The following PCDHA1 variants were observed in gnomAD, a reference collection of about 807,000 sequenced individuals.
PCDHA1 encodes protocadherin alpha-1.
A neutral mutation model predicts 61.3 loss-of-function variants in PCDHA1; 42 were observed. The ratio of observed to expected loss-of-function variants is 0.69; its 90% CI spans 0.54 to 0.89. PCDHA1 has a LOEUF of 0.89. PCDHA1 is among the 40% of genes least tolerant of loss of function. The probability of loss-of-function intolerance (pLI) is 0.00; values close to 1 mark genes in which losing one functional copy is unlikely to be tolerated. For synonymous variants in PCDHA1, 610 were observed against 553.8 expected, an observed-to-expected ratio of 1.10 and a Z score of -1.43; for missense variants, 1,256 against 1,235.3, an observed-to-expected ratio of 1.02 and a Z score of -0.25.
intron 1 of PCDHA1, among the ~76,000 whole-genome samples, chr5:140,818,311 T>C (rs1766329673): frequency 6.6e-6 from 1 of 152,236 alleles, no homozygotes; most frequent in Non-Finnish European, 1.5e-5. Context: ...ATCTTTTACT[T>C]TAGGAATTTT....
At position 140,966,347 on chromosome 5, in the gene PCDHA1, G is replaced by A. The variant is rs189506336; in HGVS notation, c.2395-12602G>A. 6.3e-5 allele frequency: 25 copies of A among 397,502 alleles called. No homozygotes were observed. The East Asian group carries it at 8.6e-4, about 14-fold the overall frequency. The allele number at this position is 397,502 out of a possible 1,614,324, so 24.6% of individuals were successfully genotyped here. A position where few individuals can be genotyped will look rare whatever the true frequency, so the allele number is the denominator to read the frequency against. On this transcript the variant is annotated intron_variant, in intron 1 of 3. Transcript: ENST00000504120. ...GGGATCCGGCAGGTCCAGGGTGAAG[G>A]AGATGGGGCTGGAGAGGCTGAGCAG... is the stretch of plus-strand genomic sequence containing the variant.
chr5:140,941,214 C>CTTCTTTCTTT (rs1554214039), intron 1 of PCDHA1, among the ~76,000 whole-genome samples: 1 of 122,414 alleles, frequency 8.2e-6, no homozygotes, highest in Admixed American at 8.5e-5. Context: ...TTTCTTTCTT[C>CTTCTTTCTTT]CTTTCTTTCT....
At chr5:140,811,519 T>C (rs530756303) in intron 1 of PCDHA1, 1 of 152,310 alleles carries the variant, frequency 6.6e-6, no homozygotes, top group East Asian at 1.9e-4. Flanking sequence ...TTTAGATATA[T>C]ACCCAGTAAT....
Position 140,795,834 on chromosome 5 carries a change from G to C in PCDHA1, c.2394+7150G>C, listed in dbSNP as rs782292458. ...GTAGTGATGTGTCCTCCACTATACA[G>C]ACTAAGTTTACCATAGATCCCATCT... On this transcript the variant is annotated intron_variant, in intron 1 of 3. Coordinates refer to ENST00000504120, the MANE Select transcript of PCDHA1 (RefSeq NM_018900.4). The C allele has an allele frequency of 3.7e-6, 6 of 1,613,764 alleles. No homozygotes were observed. The African/African-American group carries it at 8.0e-5, about 22-fold the overall frequency.
At chr5:140,859,400 G>T in intron 1 of PCDHA1, 1 of 258,574 alleles carries the variant, frequency 3.9e-6, no homozygotes, top group South Asian at 8.7e-5. Context: ...CTTAAACAGG[G>T]TTGGGTTAGA....
chr5:140,870,974 G>C, intron 1 of PCDHA1: 5 of 1,613,628 alleles, frequency 3.1e-6, no homozygotes, highest in Non-Finnish European at 4.2e-6. Context: ...TTCCGCGTGG[G>C]GCTGTACACG....
At chr5:140,796,347 A>G (rs111743563) in intron 1 of PCDHA1, 36,331 of 1,611,414 alleles carry the variant, frequency 0.023, 541 homozygotes, top group Non-Finnish European at 0.026. Flanking sequence ...CTGAGTACAC[A>G]GTATTCGTGA....
intron 1 of PCDHA1, chr5:140,797,459 C>A: frequency 1.6e-6 from 2 of 1,280,500 alleles, no homozygotes; most frequent in Non-Finnish European, 1.1e-6. Context: ...TATTTTATAT[C>A]ATCCTACCGT....
chr5:140,990,055 C>T (rs1563562429), intron 3 of PCDHA1, among the ~76,000 whole-genome samples: 2 of 151,866 alleles, frequency 1.3e-5, no homozygotes, highest in Non-Finnish European at 1.5e-5. Context: ...GATGGTAATA[C>T]TTAAAGGAAA....
chr5:140,832,994 A>G (rs1435786520), intron 1 of PCDHA1, among the ~76,000 whole-genome samples: 1 of 152,222 alleles, frequency 6.6e-6, no homozygotes, highest in Non-Finnish European at 1.5e-5. Flanking sequence ...GGAATAGTCC[A>G]CTTTGGGTAA....
intron 1 of PCDHA1, among the ~76,000 whole-genome samples, chr5:140,962,849 T>G (rs1434907172): frequency 6.6e-6 from 1 of 152,214 alleles, no homozygotes; most frequent in Non-Finnish European, 1.5e-5. Context: ...ATATAACTTG[T>G]GCTCGGTTTG....
chr5:140,869,233 T>G (rs782097851), intron 1 of PCDHA1: 7 of 1,613,700 alleles, frequency 4.3e-6, no homozygotes, highest in Non-Finnish European at 5.9e-6. Context: ...ACACGGCACC[T>G]TCGTGGGCCG....
intron 1 of PCDHA1, chr5:140,841,143 T>C (rs1298799618): frequency 4.1e-6 from 3 of 736,926 alleles, no homozygotes; most frequent in Non-Finnish European, 4.3e-6. Flanking sequence ...AGCCACATGA[T>C]GTCGCTGTCT....
chr5:140,808,902 G>C, intron 1 of PCDHA1: 1 of 1,613,452 alleles, frequency 6.2e-7, no homozygotes, highest in Non-Finnish European at 8.5e-7. Context: ...CGGGCGGGTG[G>C]CACTGGTGGC....
Position 140,852,281 on chromosome 5 carries a change from T to C in PCDHA1, c.2394+63597T>C, listed in dbSNP as rs2150514779. ...ATGCTACAATATTACATGTTTTTTG[T>C]CTTTTTATTTTTCTGAGACGGAGTC... On this transcript the variant is annotated intron_variant, in intron 1 of 3. Coordinates refer to ENST00000504120, the MANE Select transcript of PCDHA1 (RefSeq NM_018900.4). 5.5e-5 allele frequency: 28 copies of C among 508,306 alleles called. 1 individual carries two copies. In the South Asian group the frequency reaches 2.0e-3, roughly 37 times the overall value. 31.5% of individuals were successfully genotyped at this position (508,306 alleles called of 1,614,324 possible).
chr5:140,857,659 C>T, intron 1 of PCDHA1: 1 of 1,596,596 alleles, frequency 6.3e-7, no homozygotes, highest in South Asian at 1.1e-5. Context: ...TGAGCGCGCG[C>T]GATGGGGGCG....
chr5:140,877,063 C>T (rs782051698), intron 1 of PCDHA1: 21 of 1,612,898 alleles, frequency 1.3e-5, no homozygotes, highest in East Asian at 2.2e-5. Context: ...GCTGGAGCTG[C>T]TGCAGTTCCA....
chr5:140,788,841 T>C, intron 1 of PCDHA1, 157 bp downstream of exon 1: 3 of 1,398,222 alleles, frequency 2.1e-6, no homozygotes, highest in Non-Finnish European at 2.8e-6. Flanking sequence ...ATGGCAGTTT[T>C]GTCTTGAATG....
chr5:140,786,583 G>A lies in PCDHA1; in HGVS notation c.293G>A (p.Trp98Ter), dbSNP rs1390460669. The A allele has an allele frequency of 5.0e-6, 8 of 1,614,272 alleles. No individual in the cohort carries two copies. The highest frequency in any genetic ancestry group is 6.8e-6 in the Non-Finnish European group (8 of 1,180,054). ...ATCGATCGCGAGGAGCTGTGCCAGT[G>A]GAGCGCGGAGTGCAGCATCCACCTG... ...SRIDREELCQ[W>*]SAECSIHLEL... The change falls in exon 1 of 4, where the codon TGG becomes TAG. Residue 98 changes from tryptophan (W) to a stop codon, truncating the protein, a stop_gained. Transcript: ENST00000504120. LOFTEE classifies it high-confidence loss of function.
Sources: allele counts gnomAD v4.1 joint callset (sites outside exome capture counted in the v4.1 genomes callset), GRCh38; gene constraint gnomAD v4.1.1; transcripts MANE v1.5; gene names NCBI Gene and HGNC (gene_info 2026-07-23, HGNC 2026-07-21).